Variants in MAP7D1 observed in about 807,000 individuals in gnomAD.
The protein encoded by MAP7D1 is MAP7 domain containing 1, also known as MAP7 domain-containing protein 1.
A neutral mutation model predicts 97.5 loss-of-function variants in MAP7D1; 30 were observed. The ratio of observed to expected loss-of-function variants is 0.31; its 90% CI spans 0.23 to 0.42. MAP7D1 has a LOEUF of 0.42. Ranked by LOEUF, MAP7D1 falls within the 10% of genes least tolerant of loss-of-function variation. The probability of loss-of-function intolerance (pLI) is 1.00; values close to 1 mark genes in which losing one functional copy is unlikely to be tolerated. For missense variants in MAP7D1, 1,184 were observed against 1,179.5 expected (o/e 1.00, Z -0.06); for synonymous variants, 536 against 477.1 (o/e 1.12, Z -1.61).
At chr1:36,162,039 C>T (rs1163469337) in intron 1 of MAP7D1, among the ~76,000 whole-genome samples, 2 of 152,106 alleles carry the variant, frequency 1.3e-5, no homozygotes, top group African/African-American at 4.8e-5. Flanking sequence ...CCTCTGTCTT[C>T]GCCTGCTCTA....
At chr1:36,160,935 G>A (rs1335542805) in intron 1 of MAP7D1, among the ~76,000 whole-genome samples, 1 of 152,268 alleles carries the variant, frequency 6.6e-6, no homozygotes, top group African/African-American at 2.4e-5. Context: ...GCCTTGGCCT[G>A]AGGTTGGGCC....
Position 36,176,341 on chromosome 1 carries a change from G to A in MAP7D1, c.993G>A (p.Gly331=). The A allele has an allele frequency of 6.5e-7, 1 of 1,530,964 alleles. No homozygotes were observed. Among genetic ancestry groups the A allele is most frequent in the Non-Finnish European group, 8.8e-7 (1 of 1,141,410 alleles). The allele number at this position is 1,530,964 out of a possible 1,614,324, so 94.8% of individuals were successfully genotyped here. A position where few individuals can be genotyped will look rare whatever the true frequency, so the allele number is the denominator to read the frequency against. ...ACCAGGGTAGGGGCTGCGACCCTGG[G>A]AGAGGCCCCACGTGGGGCCGGGCAG... ...GRDQGRGCDP[G]RGPTWGRAGA... Residue 331 remains glycine, a synonymous_variant, in exon 7 of 17, where the codon GGG becomes GGA. Transcript: ENST00000474796. This position sits in a 1 kb window ranked among gnomAD's most constrained non-coding sequence, Gnocchi z 6.1.
chr1:36,163,827 T>C (rs1033746061), intron 1 of MAP7D1, among the ~76,000 whole-genome samples: 4 of 136,880 alleles, frequency 2.9e-5, no homozygotes, highest in East Asian at 4.2e-4. Flanking sequence ...CTTTTTTTTT[T>C]TTTTTTTTTT....
At position 36,176,735 on chromosome 1, in the gene MAP7D1, C is replaced by G. The variant is rs1282014447; in HGVS notation, c.1272C>G (p.Asn424Lys). ...AGAAGAAGGACAAGGAGCGGGAAAA[C>G]GAGAAGGAGAAGAGTGCCCTAGCCC... ...KKEKKDKERE[N>K]EKEKSALARE... Residue 424 changes from asparagine (N) to lysine (K), a missense_variant, in exon 8 of 17, where the codon AAC (asparagine) becomes AAG (lysine). By Grantham distance (94) the Asn-to-Lys change is moderately conservative. Transcript: ENST00000474796. The surrounding 1 kb of genome is among the most constrained non-coding windows in gnomAD (Gnocchi z 6.1). 2 of 1,603,976 alleles carry G rather than the reference C, an allele frequency of 1.2e-6. No individual in the cohort carries two copies. Among genetic ancestry groups the G allele is most frequent in the African/African-American group, 2.7e-5 (2 of 74,926 alleles).
intron 3 of MAP7D1, chr1:36,171,958 A>AAC (rs1644551568): frequency 4.6e-6 from 1 of 218,132 alleles, no homozygotes; most frequent in Non-Finnish European, 9.3e-6. Flanking sequence ...AAAAAAAAAA[A>AAC]CCAACACTTC....
At chr1:36,179,605 C>G in intron 14 of MAP7D1, 48 bp downstream of exon 14, 1 of 1,552,130 alleles carries the variant, frequency 6.4e-7, no homozygotes, top group Non-Finnish European at 8.7e-7. Context: ...CATCCTCCTC[C>G]TCCTCCATCC....
At position 36,176,556 on chromosome 1, in the gene MAP7D1, T is replaced by G. The variant is rs1644626704; in HGVS notation, c.1208T>G (p.Val403Gly). The G allele has an allele frequency of 2.0e-6, 3 of 1,464,528 alleles. No homozygotes were observed. The highest frequency in any genetic ancestry group is 1.8e-6 in the Non-Finnish European group (2 of 1,108,754). The allele number at this position is 1,464,528 out of a possible 1,614,324, so 90.7% of individuals were successfully genotyped here. Residue 403 changes from valine (V) to glycine (G), a missense_variant, in exon 7 of 17, where the codon GTG becomes GGG. Transcript: ENST00000474796. This position sits in a 1 kb window ranked among gnomAD's most constrained non-coding sequence, Gnocchi z 6.1. Reference protein sequence around the residue: ...KPNAGGSPAPVRRRPEASPVQ... With the variant: ...KPNAGGSPAPGRRRPEASPVQ... Reference sequence around the variant, plus strand: ...AACGCCGGGGGCAGCCCCGCTCCGGTGCGCCGCCGGCCGGAGGCCTCGCCG... The same window carrying G: ...AACGCCGGGGGCAGCCCCGCTCCGGGGCGCCGCCGGCCGGAGGCCTCGCCG...
intron 1 of MAP7D1, among the ~76,000 whole-genome samples, chr1:36,166,590 C>T (rs892830286): frequency 3.3e-5 from 5 of 152,060 alleles, no homozygotes; most frequent in Non-Finnish European, 5.9e-5. Flanking sequence ...GGGGTTTCAC[C>T]GTGTTGGCCA....
chr1:36,156,298 A>T lies in MAP7D1; in HGVS notation c.-120A>T. 1 of 782,124 alleles carries T rather than the reference A, an allele frequency of 1.3e-6. No homozygotes were observed. Among genetic ancestry groups the T allele is most frequent in the Non-Finnish European group, 1.8e-6 (1 of 555,282 alleles). The allele number at this position is 782,124 out of a possible 1,614,324, so 48.4% of individuals were successfully genotyped here. ...CTTCCCCGGAGCGCCCCCGCCTCCG[A>T]GTCGCTACTTGCCGGGCCGGGCCGG... On this transcript the variant is annotated 5_prime_UTR_variant, in exon 1 of 17. Transcript: ENST00000474796.
At chr1:36,168,991 C>A (rs1452703406) in intron 1 of MAP7D1, among the ~76,000 whole-genome samples, 1 of 152,148 alleles carries the variant, frequency 6.6e-6, no homozygotes, top group African/African-American at 2.4e-5. Flanking sequence ...GTGGCTCATG[C>A]CTGTAATCCC....
rs762729140 is a variant in MAP7D1 at position 36,177,931 on chromosome 1, C to G, written c.1438C>G (p.Pro480Ala). 6.3e-7 allele frequency: 1 copy of G among 1,575,954 alleles called. No individual in the cohort carries two copies. Among genetic ancestry groups the G allele is most frequent in the Non-Finnish European group, 8.6e-7 (1 of 1,158,710 alleles). Residue 480 changes from proline (P) to alanine (A), a missense_variant, in exon 9 of 17, where the codon CCC (proline) becomes GCC (alanine). Pro to Ala is a conservative substitution (Grantham distance 27). Coordinates refer to ENST00000474796, the MANE Select transcript of MAP7D1 (RefSeq NM_001388490.1). The part of the protein sequence containing the change: ...PSTSWHRPAS[P>A]CPSPGPGHTL... ...CACATCCTGGCACAGGCCTGCCTCC[C>G]CCTGCCCCAGCCCAGGGCCAGGCCA...
Position 36,178,220 on chromosome 1 carries a change from GA to G in MAP7D1, c.1708+20del. 2 of 1,536,610 alleles carry G rather than the reference GA, an allele frequency of 1.3e-6. No homozygotes were observed. Among genetic ancestry groups the G allele is most frequent in the Non-Finnish European group, 1.8e-6 (2 of 1,140,484 alleles). On this transcript the variant is annotated intron_variant, in intron 9 of 16. Transcript: ENST00000474796. ...CCTACAGGTAGGAATGAAGAGAGGG[GA>G]GGGGTGGGCCGAGCGAGAGAAGCCA...
At chr1:36,174,473 T>G (rs1644589866) in intron 5 of MAP7D1, among the ~76,000 whole-genome samples, 1 of 152,204 alleles carries the variant, frequency 6.6e-6, no homozygotes, top group Non-Finnish European at 1.5e-5. Flanking sequence ...CAAGTGACTG[T>G]GACTGTGTAG....
At chr1:36,169,877 C>T (rs1165856126) in intron 1 of MAP7D1, among the ~76,000 whole-genome samples, 1 of 152,098 alleles carries the variant, frequency 6.6e-6, no homozygotes, top group Admixed American at 6.6e-5. Context: ...GCCTGTAATC[C>T]CAGCTACTTG....
chr1:36,166,857 GA>G (rs1171296251), intron 1 of MAP7D1, among the ~76,000 whole-genome samples: 1 of 152,222 alleles, frequency 6.6e-6, no homozygotes, highest in Non-Finnish European at 1.5e-5. Flanking sequence ...CTGTTTTGAA[GA>G]TAAAGGCAGA....
rs1489656801 is a variant in MAP7D1 at position 36,178,006 on chromosome 1, A to G, written c.1513A>G (p.Lys505Glu). 3 of 1,613,218 alleles carry G rather than the reference A, an allele frequency of 1.9e-6. No individual in the cohort carries two copies. The highest frequency in any genetic ancestry group is 2.5e-6 in the Non-Finnish European group (3 of 1,179,588). Reference sequence around the variant, plus strand: ...CCCCCGAGGCACCACTGCATCCCCCAAGGGGCGGGTTCGGAGGAAGGAGGA... The same window carrying G: ...CCCCCGAGGCACCACTGCATCCCCCGAGGGGCGGGTTCGGAGGAAGGAGGA... ...PSPRGTTASP[K>E]GRVRRKEEAK... The change falls in exon 9 of 17, where the codon AAG becomes GAG. Residue 505 changes from lysine (K) to glutamate (E), a missense_variant. Coordinates refer to ENST00000474796, the MANE Select transcript of MAP7D1 (RefSeq NM_001388490.1).
At chr1:36,178,891 G>A (rs1425328062) in intron 11 of MAP7D1, 30 bp from the exon 12 acceptor site, 12 of 1,550,348 alleles carry the variant, frequency 7.7e-6, no homozygotes, top group Non-Finnish European at 1.0e-5. Flanking sequence ...CTGGAGTCAA[G>A]TGCCCCACGC....
At chr1:36,164,752 C>T (rs1225559212) in intron 1 of MAP7D1, among the ~76,000 whole-genome samples, 1 of 152,158 alleles carries the variant, frequency 6.6e-6, no homozygotes, top group Non-Finnish European at 1.5e-5. Context: ...GCAAAGAGCA[C>T]CGTGATCAGA....
rs767688091 is a variant in MAP7D1, at chr1:36,159,278, G to A, written c.46+2815G>A. 2.0e-5 allele frequency among the ~76,000 whole-genome samples: 3 copies of A among 152,056 alleles called. No individual in the cohort carries two copies. Among genetic ancestry groups the A allele is most frequent in the Admixed American group, 6.5e-5 (1 of 15,270 alleles). On this transcript the variant is annotated intron_variant, in intron 1 of 16. Transcript: ENST00000474796. This position sits in a 1 kb window ranked among gnomAD's most constrained non-coding sequence, Gnocchi z 5.4. ...TTGCCACATTGGCCGGGCTGGTCTC[G>A]AACTCCTGACCTCGTGATCTTCCCA...
Sources: allele counts gnomAD v4.1 joint callset (sites outside exome capture counted in the v4.1 genomes callset), GRCh38; gene constraint gnomAD v4.1.1; non-coding constraint Gnocchi (gnomAD v3.1); transcripts MANE v1.5; gene names NCBI Gene and HGNC (gene_info 2026-07-23, HGNC 2026-07-21).